Variants in DHX35 observed in about 807,000 individuals in gnomAD.
The protein encoded by DHX35 is DEAH-box helicase 35.
In DHX35, 84 loss-of-function variants were observed where a neutral mutation model predicts 99.6. The observed-to-expected ratio is 0.84, with a 90% CI of 0.71 to 1.01. DHX35 has a LOEUF of 1.01. DHX35 is among the 50% of genes least tolerant of loss of function. The pLI is 0.00. For synonymous variants in DHX35, 331 were observed against 316.2 expected (o/e 1.05, Z -0.50); for missense variants, 852 against 888.5 (o/e 0.96, Z 0.52).
At chr20:39,007,266 T>G (rs16987753) in intron 12 of DHX35, among the ~76,000 whole-genome samples, 3,084 of 152,324 alleles carry the variant, frequency 0.02, 113 homozygotes, top group African/African-American at 0.07. Flanking sequence ...GCAGAGCACC[T>G]GCTGTATGCT....
At chr20:39,020,451 C>T (rs976095088) in intron 15 of DHX35, among the ~76,000 whole-genome samples, 38 of 152,190 alleles carry the variant, frequency 2.5e-4, no homozygotes, top group Admixed American at 1.6e-3. Flanking sequence ...GAAGTCTTCT[C>T]GTAATTAGAA....
chr20:38,966,812 CA>C (rs555166737), intron 1 of DHX35, among the ~76,000 whole-genome samples: 99 of 152,224 alleles, frequency 6.5e-4, no homozygotes, highest in African/African-American at 2.3e-3. Flanking sequence ...GAATTCAGGA[CA>C]AAAACACAGC....
chr20:39,018,765 G>A (rs772733267), intron 14 of DHX35, 39 bp from the exon 15 acceptor site: 3 of 1,585,218 alleles, frequency 1.9e-6, no homozygotes, highest in Admixed American at 1.7e-5. Flanking sequence ...CAACACAATG[G>A]TACCTGCCTT....
At chr20:38,970,203 G>A (rs2085973543) in intron 2 of DHX35, among the ~76,000 whole-genome samples, 1 of 152,188 alleles carries the variant, frequency 6.6e-6, no homozygotes, top group African/African-American at 2.4e-5. Flanking sequence ...GATTACAGGT[G>A]TGAGCAGCCA....
At chr20:39,016,613 A>G (rs544164826) in intron 14 of DHX35, among the ~76,000 whole-genome samples, 1 of 152,196 alleles carries the variant, frequency 6.6e-6, no homozygotes, top group East Asian at 1.9e-4. Context: ...TAGCATATAA[A>G]TGTGGTTTTG....
chr20:38,998,954 G>A (rs1036761901), intron 8 of DHX35, among the ~76,000 whole-genome samples: 6 of 151,884 alleles, frequency 4.0e-5, no homozygotes, highest in Admixed American at 1.3e-4. Context: ...CTGCCACCAC[G>A]CTCAGCCAAT....
rs1411886278 is a variant in DHX35 at position 38,969,181 on chromosome 20, A to T, written c.141A>T (p.Ile47=). 6.2e-7 allele frequency: 1 copy of T among 1,611,154 alleles called. No homozygotes were observed. The highest frequency in any genetic ancestry group is 1.7e-5 in the Admixed American group (1 of 59,088). ...ACAACCCTTATGCTGCCCTTTCCAT[A>T]GAGCAGCAGAGGCAGAAGCTGCCGG... The part of the protein sequence containing the change: ...VVYNPYAALS[I]EQQRQKLPVF... Residue 47 remains isoleucine, a synonymous_variant, in exon 2 of 22, where the codon ATA becomes ATT. Transcript: ENST00000252011.
rs531571279 is a variant in DHX35 at position 39,024,559 on chromosome 20, A to G, written c.1672-671A>G. Among the ~76,000 whole-genome samples, 4 of 152,358 alleles carry G rather than the reference A, an allele frequency of 2.6e-5. No individual in the cohort carries two copies. In the East Asian group the frequency reaches 7.7e-4, roughly 29 times the overall value. On this transcript the variant is annotated intron_variant, in intron 17 of 21. Transcript: ENST00000252011. ...AAATTCATTTGTACAGGCACAATGT[A>G]TCATCTGCAGTCTGAAGCTTTCTCT...
At chr20:38,962,546 G>C in intron 1 of DHX35, 139 bp downstream of exon 1, 4 of 1,084,886 alleles carry the variant, frequency 3.7e-6, no homozygotes, top group Non-Finnish European at 5.3e-6. Context: ...TGTGCGGGGG[G>C]AGCTCTGGCT....
At chr20:38,963,094 A>C (rs1330339237) in intron 1 of DHX35, 1 of 152,316 alleles carries the variant, frequency 6.6e-6, no homozygotes, top group African/African-American at 2.4e-5. Flanking sequence ...TTCCTCTCTT[A>C]CAGACTAACA....
chr20:39,008,758 G>C (rs181522711), intron 12 of DHX35, among the ~76,000 whole-genome samples: 34 of 152,316 alleles, frequency 2.2e-4, no homozygotes, highest in African/African-American at 6.7e-4. Context: ...TACACGACAT[G>C]CTCTCTGCAT....
chr20:39,034,205 G>C lies in DHX35; in HGVS notation c.1956-1G>C, dbSNP rs772188035. 6 of 1,609,534 alleles carry C rather than the reference G, an allele frequency of 3.7e-6. No individual in the cohort carries two copies. The highest frequency in any genetic ancestry group is 4.3e-6 in the Non-Finnish European group (5 of 1,176,296). ...TAGCTCATGTTTCTTTCTCATTTCA[G>C]GGTCATCTATAACGAAGTTATACAG... On this transcript the variant is annotated splice_acceptor_variant, in intron 20 of 21. Coordinates refer to ENST00000252011, the MANE Select transcript of DHX35 (RefSeq NM_021931.4). LOFTEE classifies it high-confidence loss of function.
intron 21 of DHX35, among the ~76,000 whole-genome samples, chr20:39,036,728 A>C (rs1461683443): frequency 5.1e-4 from 36 of 70,978 alleles, no homozygotes; most frequent in East Asian, 3.7e-3. Flanking sequence ...TGTCCCCCCA[A>C]AAAAAAAAAA....
rs1490910702 is a variant in DHX35, at chr20:39,018,871, C to T, written c.1470C>T (p.Pro490=). The change falls in exon 15 of 22, where the codon CCC becomes CCT. Residue 490 remains proline (P), a synonymous_variant. Transcript: ENST00000252011. ...GMRIAEFPLN[P]MFAKMLLESG... ...GAATTGCAGAGTTTCCTTTGAATCC[C>T]ATGTTTGCCAAAATGCTGCTTGAAT... 1.2e-6 allele frequency: 2 copies of T among 1,613,926 alleles called. No homozygotes were observed. Among genetic ancestry groups the T allele is most frequent in the East Asian group, 4.5e-5 (2 of 44,878 alleles).
rs142358183 is a variant in DHX35, at chr20:38,983,519, T to A, written c.268-180T>A. ...CAGCTTTGATGTGAACTTAAGTAAA[T>A]CACCTAACATTACCAAGCCTCAGAT... On this transcript the variant is annotated intron_variant, in intron 3 of 21. Transcript: ENST00000252011. Among the ~76,000 whole-genome samples the A allele has an allele frequency of 4.1e-4, 63 of 152,308 alleles. No individual in the cohort carries two copies. In the East Asian group the frequency reaches 0.012, roughly 28 times the overall value.
intron 8 of DHX35, among the ~76,000 whole-genome samples, chr20:38,999,811 C>G (rs1346865637): frequency 6.6e-6 from 1 of 152,246 alleles, no homozygotes; most frequent in Non-Finnish European, 1.5e-5. Flanking sequence ...ATTCAGCTCA[C>G]AGGTCTGATA....
chr20:38,973,399 T>C (rs2086031232), intron 3 of DHX35, among the ~76,000 whole-genome samples: 1 of 152,220 alleles, frequency 6.6e-6, no homozygotes, highest in Non-Finnish European at 1.5e-5. Context: ...ACATCTGTGT[T>C]ACCAGCACCC....
chr20:38,992,549 C>T, intron 7 of DHX35, 124 bp downstream of exon 7: 3 of 872,720 alleles, frequency 3.4e-6, no homozygotes, highest in Middle Eastern at 2.2e-4. Context: ...CATCCATAAT[C>T]CTACCCATTC....
chr20:38,968,739 G>T (rs2076233), intron 1 of DHX35, among the ~76,000 whole-genome samples: 2 of 151,986 alleles, frequency 1.3e-5, no homozygotes, highest in African/African-American at 2.4e-5. Flanking sequence ...TTTAGTACAG[G>T]TGGGGTTTCA....
Sources: gnomAD v4.1 joint callset for allele counts (sites outside exome capture counted in the v4.1 genomes callset) on GRCh38, gnomAD v4.1.1 for gene constraint, MANE v1.5 for transcripts, NCBI Gene and HGNC (gene_info 2026-07-23, HGNC 2026-07-21) for gene names.